ARHGAP21: variants seen among roughly 807,000 people sequenced by gnomAD.
ARHGAP21 encodes the protein rho GTPase-activating protein 21.
ARHGAP21 carries 38 observed loss-of-function variants against 164.6 expected under a neutral mutation model. The observed-to-expected ratio is 0.23, with a 90% CI of 0.18 to 0.30. ARHGAP21 has a LOEUF of 0.30. ARHGAP21 is among the 10% of genes least tolerant of loss of function. ARHGAP21 has a pLI of 1.00. For synonymous variants in ARHGAP21, 766 were observed against 857.9 expected (o/e 0.89, Z 1.87); for missense variants, 1,822 against 2,370.7 (o/e 0.77, Z 4.81).
intron 4 of ARHGAP21, chr10:24,640,249 T>A (rs886249157): frequency 6.6e-6 from 1 of 151,482 alleles, no homozygotes; most frequent in Non-Finnish European, 1.5e-5. Flanking sequence ...AATACTTGGA[T>A]GGGAGACTGC....
intron 4 of ARHGAP21, among the ~76,000 whole-genome samples, chr10:24,641,272 G>C (rs574772542): frequency 1.3e-5 from 2 of 152,298 alleles, no homozygotes; most frequent in South Asian, 4.1e-4. Context: ...GAGGACTGCT[G>C]TGGCAGATTA....
intron 21 of ARHGAP21, among the ~76,000 whole-genome samples, chr10:24,593,832 G>A (rs6482407): frequency 0.47 from 71,141 of 151,628 alleles, 17,238 homozygotes; most frequent in Middle Eastern, 0.54. Context: ...GGCTCCTACA[G>A]TATGAATTTC....
At chr10:24,665,236 C>T (rs1371639281) in intron 4 of ARHGAP21, among the ~76,000 whole-genome samples, 5 of 151,974 alleles carry the variant, frequency 3.3e-5, no homozygotes, top group Admixed American at 6.6e-5. Flanking sequence ...GCAGGAGTGG[C>T]TCATCTTGTA....
intron 2 of ARHGAP21, among the ~76,000 whole-genome samples, chr10:24,674,957 T>A (rs1311417799): frequency 6.6e-6 from 1 of 152,196 alleles, no homozygotes; most frequent in Non-Finnish European, 1.5e-5. Context: ...GGTCAGGACG[T>A]GAAGCAACTA....
chr10:24,619,902 T>C lies in ARHGAP21; in HGVS notation c.1993A>G (p.Thr665Ala). The change falls in exon 9 of 26, where the codon ACA becomes GCA. Residue 665 changes from threonine to alanine, a missense_variant. Physicochemically the swap from Thr to Ala is moderately conservative, Grantham distance 58. Coordinates refer to ENST00000396432, the MANE Select transcript of ARHGAP21 (RefSeq NM_020824.4). Reference sequence around the variant, plus strand: ...GGGGCACTGTCAGTCCTTACCCATGTCTGCTGATTCAACAGACTGTTCTGA... The same window carrying C: ...GGGGCACTGTCAGTCCTTACCCATGCCTGCTGATTCAACAGACTGTTCTGA... ...LHQNSLLNQQ[T>A]WVRTDSAPDQ... 1 of 1,614,190 alleles carries C rather than the reference T, an allele frequency of 6.2e-7. No homozygotes were observed. Among genetic ancestry groups the C allele is most frequent in the Non-Finnish European group, 8.5e-7 (1 of 1,180,034 alleles).
intron 2 of ARHGAP21, among the ~76,000 whole-genome samples, chr10:24,688,489 G>C (rs774495587): frequency 4.6e-5 from 7 of 152,156 alleles, no homozygotes; most frequent in Non-Finnish European, 7.4e-5. Flanking sequence ...CACAAATTTT[G>C]GTGATCCAAA....
chr10:24,660,236 C>T (rs1387492079), intron 4 of ARHGAP21, among the ~76,000 whole-genome samples: 1 of 151,660 alleles, frequency 6.6e-6, no homozygotes, highest in Non-Finnish European at 1.5e-5. Context: ...TTAAAAATGA[C>T]TCTGGGAGGC....
intron 4 of ARHGAP21, among the ~76,000 whole-genome samples, chr10:24,658,037 G>A (rs1839253705): frequency 5.2e-5 from 3 of 57,872 alleles, no homozygotes; most frequent in African/African-American, 1.6e-4. Context: ...AAACACCCAA[G>A]AATTATCAAT....
intron 4 of ARHGAP21, among the ~76,000 whole-genome samples, chr10:24,663,588 G>A (rs566197029): frequency 1.2e-4 from 18 of 152,180 alleles, no homozygotes; most frequent in Non-Finnish European, 5.9e-5. Flanking sequence ...GAGTGCAGTG[G>A]TGCAATCTTG....
intron 2 of ARHGAP21, among the ~76,000 whole-genome samples, chr10:24,702,557 T>C (rs1593341011): frequency 6.6e-6 from 1 of 152,032 alleles, no homozygotes; most frequent in East Asian, 1.9e-4. Flanking sequence ...ATACAAAAAA[T>C]GTATTGTTTT....
At chr10:24,687,772 T>C (rs1332040185) in intron 2 of ARHGAP21, among the ~76,000 whole-genome samples, 1 of 152,122 alleles carries the variant, frequency 6.6e-6, no homozygotes, top group Non-Finnish European at 1.5e-5. Context: ...ACCAATGAAA[T>C]AATGCAATCC....
intron 11 of ARHGAP21, among the ~76,000 whole-genome samples, chr10:24,605,999 A>G (rs2077008467): frequency 6.6e-6 from 1 of 152,226 alleles, no homozygotes; most frequent in African/African-American, 2.4e-5. Context: ...CATCGGTGGG[A>G]AAAGGATGAC....
intron 2 of ARHGAP21, among the ~76,000 whole-genome samples, chr10:24,697,252 G>T (rs768869673): frequency 9.9e-5 from 15 of 152,148 alleles, no homozygotes; most frequent in Non-Finnish European, 1.9e-4. Flanking sequence ...GCTGAGAAAT[G>T]GGTGAAATGG....
intron 9 of ARHGAP21, among the ~76,000 whole-genome samples, chr10:24,612,799 G>A (rs910545656): frequency 6.6e-6 from 1 of 152,130 alleles, no homozygotes; most frequent in Non-Finnish European, 1.5e-5. Context: ...AGCTTGCAGT[G>A]AGCCGAGATC....
At chr10:24,618,501 G>C (rs1325057787) in intron 9 of ARHGAP21, among the ~76,000 whole-genome samples, 1 of 152,204 alleles carries the variant, frequency 6.6e-6, no homozygotes, top group Non-Finnish European at 1.5e-5. Flanking sequence ...AGATAGGTGA[G>C]TCACAAAGCC....
intron 2 of ARHGAP21, among the ~76,000 whole-genome samples, chr10:24,673,934 C>A (rs1193280934): frequency 2.0e-5 from 3 of 152,180 alleles, no homozygotes; most frequent in Non-Finnish European, 4.4e-5. Flanking sequence ...TGGAAGAAAA[C>A]AGGGGAAAAT....
intron 4 of ARHGAP21, among the ~76,000 whole-genome samples, chr10:24,643,479 C>T (rs992984484): frequency 1.3e-5 from 2 of 152,124 alleles, no homozygotes; most frequent in Non-Finnish European, 2.9e-5. Flanking sequence ...TCCCTTTAGC[C>T]TTCTCCATTC....
At chr10:24,622,693 G>T (rs1313839693) in intron 8 of ARHGAP21, 40 bp downstream of exon 8, 3 of 1,588,812 alleles carry the variant, frequency 1.9e-6, no homozygotes, top group Admixed American at 3.6e-5. Context: ...TACAAAACAT[G>T]ACTTAAAAAG....
At chr10:24,679,385 T>C (rs1841559262) in intron 2 of ARHGAP21, among the ~76,000 whole-genome samples, 1 of 152,144 alleles carries the variant, frequency 6.6e-6, no homozygotes, top group Non-Finnish European at 1.5e-5. Flanking sequence ...ATGAATCCCA[T>C]TCATGGGGCT....
Sources: allele counts gnomAD v4.1 joint callset (sites outside exome capture counted in the v4.1 genomes callset), GRCh38; gene constraint gnomAD v4.1.1; transcripts MANE v1.5; gene names NCBI Gene and HGNC (gene_info 2026-07-23, HGNC 2026-07-21).